The following TSC2 variants were observed in gnomAD, a reference collection of about 807,000 sequenced individuals.
The protein encoded by TSC2 is tuberin.
In TSC2, 29 loss-of-function variants were observed where a neutral mutation model predicts 202.2. The ratio of observed to expected loss-of-function variants is 0.14; its 90% CI spans 0.11 to 0.20. The LOEUF (loss-of-function observed/expected upper bound fraction) is 0.20, where lower values mean the gene tolerates loss of function less well. TSC2 is among the 10% of genes least tolerant of loss of function. The pLI, the probability that TSC2 is intolerant of heterozygous loss-of-function variation, is 1.00. For synonymous variants in TSC2, 1,349 were observed against 1,044.0 expected, an observed-to-expected ratio of 1.29 and a Z score of -5.63; for missense variants, 2,429 against 2,420.0, an observed-to-expected ratio of 1.00 and a Z score of -0.08.
At chr16:2,055,601 A>G in intron 6 of TSC2, 82 bp downstream of exon 6, 1 of 1,366,150 alleles carries the variant, frequency 7.3e-7, no homozygotes, top group Non-Finnish European at 1.0e-6. Flanking sequence ...CACCAAAAAA[A>G]TAGAGGTTGG....
At chr16:2,077,517 C>T (rs1596374008) in intron 25 of TSC2, 81 bp from the exon 26 acceptor site, 1 of 1,602,400 alleles carries the variant, frequency 6.2e-7, no homozygotes. Context: ...GACCTTTCCT[C>T]CTCACCCCTC....
At position 2,054,786 on chromosome 16, in the gene TSC2, C is replaced by T. The variant is rs111495630; in HGVS notation, c.481+346C>T. 5.1e-4 allele frequency: 209 copies of T among 407,888 alleles called. 1 individual carries two copies. The highest frequency in any genetic ancestry group is 4.0e-3 in the African/African-American group (195 of 49,214). 25.3% of individuals were successfully genotyped at this position (407,888 alleles called of 1,614,324 possible). Reference sequence around the variant, plus strand: ...CGGAGCGTACTGGTCCCGTCTTCCTCCTCCTTTCTCCACTTTGTGGACCTT... The same window carrying T: ...CGGAGCGTACTGGTCCCGTCTTCCTTCTCCTTTCTCCACTTTGTGGACCTT... On this transcript the variant is annotated intron_variant, in intron 5 of 41. Coordinates refer to ENST00000219476, the MANE Select transcript of TSC2 (RefSeq NM_000548.5).
intron 3 of TSC2, 148 bp downstream of exon 3, chr16:2,050,634 C>A: frequency 1.5e-6 from 1 of 654,160 alleles, no homozygotes; most frequent in Non-Finnish European, 2.6e-6. Context: ...TGGAGTCTTG[C>A]TCTGTCGCCC....
In TSC2 at chr16:2,087,938, A is replaced by G. The variant is rs137854315; in HGVS notation, c.5065A>G (p.Lys1689Glu). The G allele has an allele frequency of 2.1e-5, 34 of 1,604,996 alleles. No homozygotes were observed. Among genetic ancestry groups the G allele is most frequent in the Non-Finnish European group, 2.8e-5 (33 of 1,174,442 alleles). Residue 1689 changes from lysine to glutamate, a missense_variant, in exon 39 of 42, where the codon AAA becomes GAA. Physicochemically the swap from Lys to Glu is moderately conservative, Grantham distance 56. Transcript: ENST00000219476. ...ECNLVSLQCR[K>E]DMEGLVDTSV... ...CAACCTGGTGTCCCTGCAGTGCAGG[A>G]AAGGTAGGGCCGGGTGGGGCCCTGC...
chr16:2,050,268 G>A, intron 2 of TSC2, 132 bp from the exon 3 acceptor site: 1 of 928,334 alleles, frequency 1.1e-6, no homozygotes, highest in Non-Finnish European at 1.7e-6. Flanking sequence ...AGTGAATCTT[G>A]ATTCCAGAAA....
At chr16:2,071,389 A>C (rs1270505319) in intron 17 of TSC2, 121 bp from the exon 18 acceptor site, 2 of 934,200 alleles carry the variant, frequency 2.1e-6, no homozygotes, top group Non-Finnish European at 3.4e-6. Flanking sequence ...GTGTGTGCAC[A>C]TCAGCAGGTG....
At chr16:2,080,719 C>CAG (rs2090038504) in intron 30 of TSC2, 1 of 298,922 alleles carries the variant, frequency 3.3e-6, no homozygotes, top group Admixed American at 4.6e-5. Flanking sequence ...CTCCTGACCT[C>CAG]GTGATCCGCC....
At chr16:2,065,658 C>T (rs770073889) in intron 16 of TSC2, 23 bp downstream of exon 16, 3 of 1,604,190 alleles carry the variant, frequency 1.9e-6, no homozygotes, top group Non-Finnish European at 2.6e-6. Flanking sequence ...CACGAGGCCT[C>T]TGCTCCCGGG....
chr16:2,051,619 T>C (rs1202317097), intron 3 of TSC2, among the ~76,000 whole-genome samples: 3 of 152,230 alleles, frequency 2.0e-5, no homozygotes, highest in Non-Finnish European at 4.4e-5. Context: ...ACCTGAGGGC[T>C]CTGCCCTTGC....
rs780378198 is a variant in TSC2 at position 2,060,701 on chromosome 16, A to G, written c.1007A>G (p.Tyr336Cys). 1.9e-5 allele frequency: 31 copies of G among 1,613,910 alleles called. No homozygotes were observed. The highest frequency in any genetic ancestry group is 2.4e-5 in the Non-Finnish European group (28 of 1,180,020). ...GCATGTCCGAACGAGGTGGTGTCCT[A>G]TGAGATCGTCCTGTCCATCACCAGG... Reference protein sequence around the residue: ...AMACPNEVVSYEIVLSITRLI... With the variant: ...AMACPNEVVSCEIVLSITRLI... The change falls in exon 11 of 42, where the codon TAT becomes TGT. Residue 336 changes from tyrosine to cysteine, a missense_variant. Tyr to Cys is a radical substitution (Grantham distance 194). Transcript: ENST00000219476.
rs778109774 is a variant in TSC2 at position 2,070,509 on chromosome 16, G to C, written c.1770G>C (p.Leu590=). 2 of 1,613,420 alleles carry C rather than the reference G, an allele frequency of 1.2e-6. No individual in the cohort carries two copies. Among genetic ancestry groups the C allele is most frequent in the South Asian group, 1.1e-5 (1 of 91,088 alleles). The part of the protein sequence containing the change: ...ASHATRVYEM[L]VSHIQLHYKH... ...ACGCCACGCGTGTGTATGAGATGCT[G>C]GTCAGCCACATTCAGCTCCACTACA... The change falls in exon 17 of 42, where the codon CTG becomes CTC. Residue 590 remains leucine, a synonymous_variant. Transcript: ENST00000219476.
chr16:2,062,497 G>A lies in TSC2; in HGVS notation c.1258G>A (p.Glu420Lys), dbSNP rs796053484. The change falls in exon 13 of 42, where the codon GAG (glutamate) becomes AAG (lysine). Residue 420 changes from glutamate to lysine, a missense_variant and splice_region_variant. Transcript: ENST00000219476. The stretch of plus-strand genomic sequence containing the variant: ...GCAACACCGGCTCTTCTTTTGACAG[G>A]AGTCCTCCCTCCTGAACCTGATCTC... Reference protein sequence around the residue: ...LVERCADQRPESSLLNLISYR... With the variant: ...LVERCADQRPKSSLLNLISYR... 1.2e-6 allele frequency: 2 copies of A among 1,608,536 alleles called. No individual in the cohort carries two copies. Among genetic ancestry groups the A allele is most frequent in the Non-Finnish European group, 1.7e-6 (2 of 1,177,174 alleles).
intron 15 of TSC2, 143 bp from the exon 16 acceptor site, chr16:2,065,376 G>A (rs1351341398): frequency 4.1e-6 from 3 of 732,906 alleles, no homozygotes; most frequent in South Asian, 1.5e-5. Flanking sequence ...TTGTGCCACC[G>A]CACTCCAGCC....
At position 2,050,477 on chromosome 16, in the gene TSC2, A is replaced by G. The variant is rs1201047547; in HGVS notation, c.216A>G (p.Lys72=). Residue 72 remains lysine, a synonymous_variant, in exon 3 of 42, where the codon AAA becomes AAG. Transcript: ENST00000219476. ...TTTGTGAAGTCGCAAAAACCAAGAA[A>G]TTTGAAGAGGTAGGTTTATCCAGTT... is the stretch of plus-strand genomic sequence containing the variant. ...GQICEVAKTK[K]FEEHAVEALW... is the part of the protein sequence containing the mutation. The G allele has an allele frequency of 1.2e-6, 2 of 1,613,850 alleles. No individual in the cohort carries two copies. Among genetic ancestry groups the G allele is most frequent in the Non-Finnish European group, 1.7e-6 (2 of 1,179,876 alleles).
chr16:2,072,054 C>T, intron 19 of TSC2, 120 bp downstream of exon 19: 1 of 1,478,944 alleles, frequency 6.8e-7, no homozygotes, highest in Non-Finnish European at 9.0e-7. Flanking sequence ...TCCCTCAGAG[C>T]TGAGCCTTCC....
intron 7 of TSC2, among the ~76,000 whole-genome samples, 189 bp downstream of exon 7, chr16:2,056,433 CAG>C (rs572754464): frequency 6.6e-6 from 1 of 152,228 alleles, no homozygotes; most frequent in South Asian, 2.1e-4. Context: ...AGATGTAGCT[CAG>C]GGTGGATGAC....
rs45517247 is a variant in TSC2 at position 2,075,794 on chromosome 16, C to T, written c.2546-5C>T. ...CTCCCCTGACCACCCTCTCCATTACCGCAGCTCTGGCCAGGCTGCCGCACC... is the reference window on the plus strand; with the variant it reads ...CTCCCCTGACCACCCTCTCCATTACTGCAGCTCTGGCCAGGCTGCCGCACC... On this transcript the variant is annotated splice_polypyrimidine_tract_variant and splice_region_variant and intron_variant, in intron 22 of 41. Transcript: ENST00000219476. 296 of 1,612,350 alleles carry T rather than the reference C, an allele frequency of 1.8e-4. No homozygotes were observed. Among genetic ancestry groups the T allele is most frequent in the Non-Finnish European group, 2.4e-4 (284 of 1,179,944 alleles).
In TSC2 at chr16:2,082,455, G is replaced by C. The variant is rs766029525; in HGVS notation, c.3834G>C (p.Leu1278=). The C allele has an allele frequency of 6.2e-7, 1 of 1,612,490 alleles. No individual in the cohort carries two copies. Among genetic ancestry groups the C allele is most frequent in the South Asian group, 1.1e-5 (1 of 91,086 alleles). The stretch of plus-strand genomic sequence containing the variant: ...TTGCAGTGGCCTCTTTCTCCTCCCT[G>C]TACCAGTCCAGCTGCCAAGGACAGC... The part of the protein sequence containing the change: ...RSNTVASFSS[L]YQSSCQGQLH... The change falls in exon 32 of 42, where the codon CTG becomes CTC. Residue 1278 remains leucine, a synonymous_variant. Coordinates refer to ENST00000219476, the MANE Select transcript of TSC2 (RefSeq NM_000548.5).
chr16:2,082,872 C>G (rs896422052), intron 32 of TSC2: 1 of 411,904 alleles, frequency 2.4e-6, no homozygotes, highest in African/African-American at 2.0e-5. Context: ...CGGGCCTTGC[C>G]CTGGCCTTTG....
Sources: gnomAD v4.1 joint callset for allele counts (sites outside exome capture counted in the v4.1 genomes callset) on GRCh38, gnomAD v4.1.1 for gene constraint, MANE v1.5 for transcripts, NCBI Gene and HGNC (gene_info 2026-07-23, HGNC 2026-07-21) for gene names.